The following CAB39 variants were observed in gnomAD, a reference collection of about 807,000 sequenced individuals.
CAB39 encodes the protein calcium binding protein 39, also known as calcium-binding protein 39.
Under a neutral mutation model 40.0 loss-of-function variants are expected in CAB39, and 8 were observed. The ratio of observed to expected loss-of-function variants is 0.20; its 90% confidence interval spans 0.12 to 0.36. CAB39 has a LOEUF of 0.36. Ranked by LOEUF, CAB39 falls within the 10% of genes least tolerant of loss-of-function variation. The pLI is 1.00. For missense variants in CAB39, 270 were observed against 401.1 expected, an observed-to-expected ratio of 0.67 and a Z score of 2.79; for synonymous variants, 156 against 141.6, an observed-to-expected ratio of 1.10 and a Z score of -0.72.
At chr2:230,745,444 A>G (rs986520288) in intron 1 of CAB39, among the ~76,000 whole-genome samples, 4 of 152,188 alleles carry the variant, frequency 2.6e-5, no homozygotes, top group African/African-American at 9.7e-5. Flanking sequence ...AGAGGAGCTC[A>G]TGGTCCTCAG....
At chr2:230,746,948 A>T (rs1244305076) in intron 1 of CAB39, among the ~76,000 whole-genome samples, 2 of 152,192 alleles carry the variant, frequency 1.3e-5, no homozygotes, top group East Asian at 1.9e-4. Flanking sequence ...GTTGGGAGTG[A>T]TACATACATA....
rs150533734 is a variant in CAB39, at chr2:230,772,411, G to A, written c.114+12296G>A. Among the ~76,000 whole-genome samples the A allele has an allele frequency of 5.9e-5, 9 of 152,100 alleles. No homozygotes were observed. In the East Asian group the frequency reaches 1.5e-3, roughly 26 times the overall value. On this transcript the variant is annotated intron_variant, in intron 2 of 8. Transcript: ENST00000258418. ...GAAAATATTGACTATACCAAATGTT[G>A]GCAAGGATACAGAGCAGCTGGAACT...
intron 5 of CAB39, among the ~76,000 whole-genome samples, chr2:230,804,566 C>T (rs1459734951): frequency 3.3e-5 from 5 of 152,092 alleles, no homozygotes; most frequent in Non-Finnish European, 7.4e-5. Flanking sequence ...ATCAAACAAC[C>T]CCATCAAAAA....
At position 230,773,777 on chromosome 2, in the gene CAB39, G is replaced by A. The variant is rs563305913; in HGVS notation, c.114+13662G>A. 2.0e-5 allele frequency among the ~76,000 whole-genome samples: 3 copies of A among 152,242 alleles called. No homozygotes were observed. In the South Asian group the frequency reaches 6.2e-4, roughly 32 times the overall value. ...TGTAACAAAAGGATTCGAACTGATC[G>A]TGGCAGGAGGTAGAATTCAGACCCA... is the stretch of plus-strand genomic sequence containing the variant. On this transcript the variant is annotated intron_variant, in intron 2 of 8. Coordinates refer to ENST00000258418, the MANE Select transcript of CAB39 (RefSeq NM_016289.4).
chr2:230,761,532 G>A (rs1416559826), intron 2 of CAB39, among the ~76,000 whole-genome samples: 1 of 152,156 alleles, frequency 6.6e-6, no homozygotes, highest in Non-Finnish European at 1.5e-5. Flanking sequence ...ATCATTATTT[G>A]ATTTGGGATT....
At chr2:230,807,534 C>G (rs1391454301) in intron 5 of CAB39, among the ~76,000 whole-genome samples, 1 of 151,962 alleles carries the variant, frequency 6.6e-6, no homozygotes, top group East Asian at 1.9e-4. Context: ...CGCTCTTACC[C>G]CAAAGCCATT....
chr2:230,720,526 C>T (rs1694429581), intron 1 of CAB39, among the ~76,000 whole-genome samples: 2 of 152,168 alleles, frequency 1.3e-5, no homozygotes, highest in South Asian at 4.1e-4. Flanking sequence ...ACCTCCGCCT[C>T]CCGGGTTCAA....
chr2:230,763,620 A>G (rs1695333229), intron 2 of CAB39, among the ~76,000 whole-genome samples: 1 of 152,062 alleles, frequency 6.6e-6, no homozygotes, highest in Admixed American at 6.5e-5. Flanking sequence ...GAGAAAAAGA[A>G]AACCTGGTCT....
At chr2:230,733,146 T>C (rs1460824344) in intron 1 of CAB39, among the ~76,000 whole-genome samples, 1 of 152,120 alleles carries the variant, frequency 6.6e-6, no homozygotes, top group African/African-American at 2.4e-5. Flanking sequence ...TTAGTAGGGG[T>C]GGCCAAGTGT....
intron 1 of CAB39, chr2:230,725,471 G>A (rs1694550268): frequency 6.1e-6 from 8 of 1,306,170 alleles, no homozygotes; most frequent in East Asian, 2.4e-5. Context: ...CCACTCCTGC[G>A]GATACCTCCC....
intron 2 of CAB39, among the ~76,000 whole-genome samples, chr2:230,774,734 T>C (rs1695556391): frequency 6.6e-6 from 1 of 152,182 alleles, no homozygotes; most frequent in South Asian, 2.1e-4. Flanking sequence ...CTTCATAGCA[T>C]GGCCATTTAA....
chr2:230,814,859 G>C (rs1417603373), intron 7 of CAB39, among the ~76,000 whole-genome samples: 1 of 152,204 alleles, frequency 6.6e-6, no homozygotes, highest in East Asian at 1.9e-4. Context: ...CACTCTGTCA[G>C]TAAGCAGTCC....
chr2:230,725,451 C>T (rs943209745), intron 1 of CAB39: 9 of 1,477,714 alleles, frequency 6.1e-6, no homozygotes, highest in Admixed American at 3.5e-5. Flanking sequence ...CGGTTCCTCC[C>T]GCCACCCGGC....
At chr2:230,734,793 G>C (rs1292600403) in intron 1 of CAB39, among the ~76,000 whole-genome samples, 1 of 125,262 alleles carries the variant, frequency 8.0e-6, no homozygotes, top group African/African-American at 4.8e-5. Flanking sequence ...GGATCCCAGA[G>C]GCATTCCACC....
At chr2:230,775,488 C>G (rs1695570344) in intron 2 of CAB39, among the ~76,000 whole-genome samples, 1 of 152,216 alleles carries the variant, frequency 6.6e-6, no homozygotes, top group Non-Finnish European at 1.5e-5. Flanking sequence ...CCCACTGTGG[C>G]CTCCCAAAGT....
intron 2 of CAB39, among the ~76,000 whole-genome samples, chr2:230,775,049 C>G (rs561022279): frequency 6.6e-6 from 1 of 152,028 alleles, no homozygotes; most frequent in South Asian, 2.1e-4. Context: ...CATTTAATCT[C>G]TTCTTGTAGA....
At chr2:230,776,797 T>C (rs1486829265) in intron 2 of CAB39, among the ~76,000 whole-genome samples, 1 of 152,028 alleles carries the variant, frequency 6.6e-6, no homozygotes, top group African/African-American at 2.4e-5. Context: ...TTCATGCCAT[T>C]CTACTGCCTC....
At chr2:230,719,110 T>C (rs1005160359) in intron 1 of CAB39, among the ~76,000 whole-genome samples, 3 of 152,160 alleles carry the variant, frequency 2.0e-5, no homozygotes, top group African/African-American at 7.2e-5. Context: ...TTGGGAGGCG[T>C]GTATGAAGTT....
intron 5 of CAB39, among the ~76,000 whole-genome samples, chr2:230,805,703 G>A (rs929322096): frequency 6.6e-6 from 1 of 152,252 alleles, no homozygotes; most frequent in Non-Finnish European, 1.5e-5. Context: ...GGATATGCTA[G>A]ATGTTGTATA....
Sources: gnomAD v4.1 joint callset for allele counts (sites outside exome capture counted in the v4.1 genomes callset) on GRCh38, gnomAD v4.1.1 for gene constraint, MANE v1.5 for transcripts, NCBI Gene and HGNC (gene_info 2026-07-23, HGNC 2026-07-21) for gene names.